Variants in GTF2F1 observed in about 807,000 individuals in gnomAD.
GTF2F1 encodes the protein general transcription factor IIF 74 kDa subunit.
Under a neutral mutation model 63.5 loss-of-function variants are expected in GTF2F1, and 39 were observed. The observed-to-expected ratio is 0.61, with a 90% confidence interval of 0.48 to 0.80. The LOEUF (loss-of-function observed/expected upper bound fraction) is 0.80. GTF2F1 is among the 30% of genes least tolerant of loss of function. The probability of loss-of-function intolerance (pLI) is 0.00; values close to 1 mark genes in which losing one functional copy is unlikely to be tolerated. For synonymous variants in GTF2F1, 287 were observed against 285.3 expected (o/e 1.01, Z -0.06); for missense variants, 657 against 718.3 (o/e 0.91, Z 0.97).
At position 6,384,277 on chromosome 19, in the gene GTF2F1, G is replaced by C. The variant is rs193014596; in HGVS notation, c.498-782C>G. On this transcript the variant is annotated intron_variant, in intron 5 of 12. Transcript: ENST00000394456. ...AATCCCAGCACTTTGGGAGGCCGAGGCAAGTGGATCACCTGAGGTCAGGAG... is the reference window on the plus strand; with the variant it reads ...AATCCCAGCACTTTGGGAGGCCGAGCCAAGTGGATCACCTGAGGTCAGGAG... 8.4e-4 allele frequency among the ~76,000 whole-genome samples: 126 copies of C among 150,428 alleles called. No homozygotes were observed. The East Asian group carries it at 0.024, about 28-fold the overall frequency.
chr19:6,387,461 T>C lies in GTF2F1; in HGVS notation c.425A>G (p.Asn142Ser), dbSNP rs747852392. 18 of 1,614,116 alleles carry C rather than the reference T, an allele frequency of 1.1e-5. No homozygotes were observed. The highest frequency in any genetic ancestry group is 3.3e-5 in the South Asian group (3 of 91,094). ...GGCCAGCGGTGTGAAATTGTACCAG[T>C]TGTGCACGGGGAAGGCCTCGAAGGC... ...DGAFEAFPVHNWYNFTPLARH... is the reference protein window; with the variant it reads ...DGAFEAFPVHSWYNFTPLARH... Residue 142 changes from asparagine to serine, a missense_variant, in exon 5 of 13, where the codon AAC becomes AGC. By Grantham distance (46) the Asn-to-Ser change is conservative (BLOSUM62 1). Coordinates refer to ENST00000394456, the MANE Select transcript of GTF2F1 (RefSeq NM_002096.3).
rs866198431 is a variant in GTF2F1, at chr19:6,381,024, T to C, written c.1111A>G (p.Lys371Glu). 6.2e-7 allele frequency: 1 copy of C among 1,611,088 alleles called. No homozygotes were observed. Residue 371 changes from lysine (K) to glutamate (E), a missense_variant, in exon 11 of 13, where the codon AAG becomes GAG. Coordinates refer to ENST00000394456, the MANE Select transcript of GTF2F1 (RefSeq NM_002096.3). The surrounding 1 kb of genome is among the most constrained non-coding windows in gnomAD (Gnocchi z 4.1). ...CCTCCCGACGGCTTCCGCTCTCTCT[T>C]GGGTGGCGTCTTCTTCTTCTGCAGA... ...LFMAKKKTPP[K>E]RERKPSGGSS...
chr19:6,387,661 AG>A, intron 4 of GTF2F1, 102 bp from the exon 5 acceptor site: 2 of 873,990 alleles, frequency 2.3e-6, no homozygotes, highest in Non-Finnish European at 3.5e-6. Context: ...CATAGGAGGA[AG>A]ACCAAGAAAT....
At position 6,383,384 on chromosome 19, in the gene GTF2F1, G is replaced by A. The variant is rs34220695; in HGVS notation, c.609C>T (p.Ser203=). 2.0e-5 allele frequency: 33 copies of A among 1,614,056 alleles called. No homozygotes were observed. Among genetic ancestry groups the A allele is most frequent in the African/African-American group, 6.7e-5 (5 of 74,954 alleles). The part of the protein sequence containing the change: ...EKEKRGRRKA[S]ELRIHDLEDD... ...CCTCCAGGTCGTGGATGCGCAGCTCGCTCGCCTTCCTGCGGCCACGTTTCT... is the reference window on the plus strand; with the variant it reads ...CCTCCAGGTCGTGGATGCGCAGCTCACTCGCCTTCCTGCGGCCACGTTTCT... Residue 203 remains serine, a synonymous_variant, in exon 6 of 13, where the codon AGC becomes AGT. Coordinates refer to ENST00000394456, the MANE Select transcript of GTF2F1 (RefSeq NM_002096.3). The surrounding 1 kb of genome is among the most constrained non-coding windows in gnomAD (Gnocchi z 4.5).
intron 2 of GTF2F1, 147 bp from the exon 3 acceptor site, chr19:6,392,121 A>G: frequency 3.0e-6 from 2 of 676,828 alleles, no homozygotes; most frequent in Admixed American, 4.1e-5. Flanking sequence ...TCAATCACTC[A>G]ATTCAATTGA....
At chr19:6,388,865 G>C (rs1037222636) in intron 4 of GTF2F1, among the ~76,000 whole-genome samples, 13 of 152,066 alleles carry the variant, frequency 8.5e-5, no homozygotes, top group Admixed American at 3.3e-4. Context: ...GGAAGATCTC[G>C]AGCCCAGGAG....
rs201517329 is a variant in GTF2F1, at chr19:6,381,817, G to A, written c.716C>T (p.Pro239Leu). ...CTTTTTCCTGCCGCCCTTGGCCAGC[G>A]GCGCCTTCTTCTTGGCCTTGGGGAC... ...GRVPKAKKKA[P>L]LAKGGRKKKK... Residue 239 changes from proline (P) to leucine (L), a missense_variant, in exon 7 of 13, where the codon CCG (proline) becomes CTG (leucine). Pro to Leu is a moderately conservative substitution (Grantham distance 98, BLOSUM62 -3). Around this residue, in one of 2 missense-constraint regions of GTF2F1, gnomAD observed 602 missense variants for 625.6 expected, o/e 0.96. Transcript: ENST00000394456. This position sits in a 1 kb window ranked among gnomAD's most constrained non-coding sequence, Gnocchi z 4.1. 6.3e-5 allele frequency: 102 copies of A among 1,613,414 alleles called. No individual in the cohort carries two copies. Among genetic ancestry groups the A allele is most frequent in the Middle Eastern group, 3.3e-4 (2 of 6,082 alleles).
chr19:6,391,310 C>G (rs2091996107), intron 3 of GTF2F1, among the ~76,000 whole-genome samples: 1 of 152,174 alleles, frequency 6.6e-6, no homozygotes. Flanking sequence ...CCAGATAAAC[C>G]ATGGCCAAAA....
At position 6,384,537 on chromosome 19, in the gene GTF2F1, G is replaced by T. The variant is rs1484571173; in HGVS notation, c.498-1042C>A. Among the ~76,000 whole-genome samples the T allele has an allele frequency of 5.9e-5, 9 of 151,770 alleles. No homozygotes were observed. In the East Asian group the frequency reaches 1.7e-3, roughly 29 times the overall value. On this transcript the variant is annotated intron_variant, in intron 5 of 12. Transcript: ENST00000394456. The stretch of plus-strand genomic sequence containing the variant: ...AAAAAAAAAAGGACTGCATTTAATA[G>T]GAATGCATCTAACATGGGCAAGGCC...
rs1420513077 is a variant in GTF2F1 at position 6,383,732 on chromosome 19, G to T, written c.498-237C>A. ...GTCCCCATGTGCTGCTGGAGTCTCA[G>T]CACCTCCCTCGGACTCAGAGTCTGG... is the stretch of plus-strand genomic sequence containing the variant. On this transcript the variant is annotated intron_variant, in intron 5 of 12. Coordinates refer to ENST00000394456, the MANE Select transcript of GTF2F1 (RefSeq NM_002096.3). The surrounding 1 kb of genome is among the most constrained non-coding windows in gnomAD (Gnocchi z 4.5). Among the ~76,000 whole-genome samples, 2 of 152,180 alleles carry T rather than the reference G, an allele frequency of 1.3e-5. No individual in the cohort carries two copies. The highest frequency in any genetic ancestry group is 2.9e-5 in the Non-Finnish European group (2 of 68,040).
intron 5 of GTF2F1, among the ~76,000 whole-genome samples, chr19:6,385,202 C>T (rs2091969493): frequency 6.6e-6 from 1 of 151,830 alleles, no homozygotes; most frequent in Non-Finnish European, 1.5e-5. Context: ...GGAGACCAGC[C>T]TGGGCAATAT....
chr19:6,387,344 C>T, intron 5 of GTF2F1, 45 bp downstream of exon 5: 3 of 1,581,546 alleles, frequency 1.9e-6, no homozygotes, highest in Non-Finnish European at 2.6e-6. Flanking sequence ...GCAAGGCACC[C>T]CATTTCCCTC....
chr19:6,392,821 G>A, intron 2 of GTF2F1, 36 bp downstream of exon 2: 1 of 1,589,210 alleles, frequency 6.3e-7, no homozygotes, highest in Non-Finnish European at 8.6e-7. Context: ...ATTTTTGGGG[G>A]GTGGAGAGGA....
rs553174786 is a variant in GTF2F1 at position 6,389,378 on chromosome 19, T to C, written c.326+66A>G. 9 of 1,452,688 alleles carry C rather than the reference T, an allele frequency of 6.2e-6. No individual in the cohort carries two copies. In the East Asian group the frequency reaches 2.1e-4, roughly 34 times the overall value. The allele number at this position is 1,452,688 out of a possible 1,614,324, so 90.0% of individuals were successfully genotyped here. A position where few individuals can be genotyped will look rare whatever the true frequency, so the allele number is the denominator to read the frequency against. On this transcript the variant is annotated intron_variant, in intron 4 of 12. Coordinates refer to ENST00000394456, the MANE Select transcript of GTF2F1 (RefSeq NM_002096.3). Reference sequence around the variant, plus strand: ...TTCAGAGAGGGTACCCCACAAAGTATGTAAGTTGAGGCCTGGGGATGTGGA... The same window carrying C: ...TTCAGAGAGGGTACCCCACAAAGTACGTAAGTTGAGGCCTGGGGATGTGGA...
chr19:6,383,201 C>T lies in GTF2F1; in HGVS notation c.682+110G>A. 2.5e-6 allele frequency: 3 copies of T among 1,176,620 alleles called. No individual in the cohort carries two copies. The highest frequency in any genetic ancestry group is 3.7e-6 in the Non-Finnish European group (3 of 815,464). The allele number at this position is 1,176,620 out of a possible 1,614,324, so 72.9% of individuals were successfully genotyped here. A position where few individuals can be genotyped will look rare whatever the true frequency, so the allele number is the denominator to read the frequency against. ...ACAGGCGTGAGCCACTGTGCCCGGC[C>T]CCACTTGCCTCTCATTCTAGGGCCA... is the stretch of plus-strand genomic sequence containing the variant. On this transcript the variant is annotated intron_variant, in intron 6 of 12. Coordinates refer to ENST00000394456, the MANE Select transcript of GTF2F1 (RefSeq NM_002096.3). The surrounding 1 kb of genome is among the most constrained non-coding windows in gnomAD (Gnocchi z 4.5).
intron 2 of GTF2F1, among the ~76,000 whole-genome samples, 167 bp downstream of exon 2, chr19:6,392,690 G>A (rs954903176): frequency 2.0e-5 from 3 of 152,192 alleles, no homozygotes; most frequent in African/African-American, 7.2e-5. Flanking sequence ...CAAAAAAGCA[G>A]TGTTGTCCCC....
Position 6,381,944 on chromosome 19 carries a change from C to T in GTF2F1, c.683-94G>A, listed in dbSNP as rs997577872. The stretch of plus-strand genomic sequence containing the variant: ...TTCACATTTTGTGCAGTTTTGACAT[C>T]CTGGGGGGCCTCACTGACTGGGGAG... On this transcript the variant is annotated intron_variant, in intron 6 of 12. Transcript: ENST00000394456. The surrounding 1 kb of genome is among the most constrained non-coding windows in gnomAD (Gnocchi z 4.1). The T allele has an allele frequency of 2.9e-6, 3 of 1,050,074 alleles. No individual in the cohort carries two copies. Among genetic ancestry groups the T allele is most frequent in the Non-Finnish European group, 4.2e-6 (3 of 719,680 alleles). The allele number at this position is 1,050,074 out of a possible 1,614,324, so 65.0% of individuals were successfully genotyped here.
At position 6,381,424 on chromosome 19, in the gene GTF2F1, T is replaced by C; in HGVS notation, c.953A>G (p.Glu318Gly). The change falls in exon 9 of 13, where the codon GAG becomes GGG. Residue 318 changes from glutamate (E) to glycine (G), a missense_variant. This residue lies in a region of GTF2F1 where 602 missense variants were observed against 625.6 expected (regional missense o/e 0.96). Transcript: ENST00000394456. This position sits in a 1 kb window ranked among gnomAD's most constrained non-coding sequence, Gnocchi z 4.1. ...CTCCTCCTCCTCCTCCTTGTCCTCC[T>C]CAGGCGGCTTCTCCTCCTCACTCTC... Reference protein sequence around the residue: ...SEESEEEKPPEEDKEEEEEKK... With the variant: ...SEESEEEKPPGEDKEEEEEKK... 1 of 1,610,570 alleles carries C rather than the reference T, an allele frequency of 6.2e-7. No individual in the cohort carries two copies. Among genetic ancestry groups the C allele is most frequent in the Non-Finnish European group, 8.5e-7 (1 of 1,179,820 alleles).
At chr19:6,387,331 A>G (rs1183916326) in intron 5 of GTF2F1, 58 bp downstream of exon 5, 1 of 1,531,240 alleles carries the variant, frequency 6.5e-7, no homozygotes, top group Non-Finnish European at 9.0e-7. Context: ...TGATATATCC[A>G]TGGCAAGGCA....
Sources: gnomAD v4.1 joint callset for allele counts (sites outside exome capture counted in the v4.1 genomes callset) on GRCh38, gnomAD v4.1.1 for gene constraint, gnomAD v4.1.1 regional missense constraint, Gnocchi (gnomAD v3.1) non-coding constraint, MANE v1.5 for transcripts, NCBI Gene and HGNC (gene_info 2026-07-23, HGNC 2026-07-21) for gene names.